Variants in ADGRV1 observed in about 807,000 individuals in gnomAD.
The protein encoded by ADGRV1 is G-protein coupled receptor 98.
Under a neutral mutation model 596.2 loss-of-function variants are expected in ADGRV1, and 359 were observed. That is an observed-to-expected ratio of 0.60 (90% CI 0.55 to 0.66). The LOEUF is 0.66. Ranked by LOEUF, ADGRV1 falls within the 30% of genes least tolerant of loss-of-function variation. The pLI is 0.00. For synonymous variants in ADGRV1, 2,681 were observed against 2,679.2 expected, an observed-to-expected ratio of 1.00 and a Z score of -0.02; for missense variants, 7,274 against 7,575.6, an observed-to-expected ratio of 0.96 and a Z score of 1.48.
Position 90,756,681 on chromosome 5 carries a change from G to A in ADGRV1, c.11757+51G>A, listed in dbSNP as rs1360528930. On this transcript the variant is annotated intron_variant, in intron 56 of 89. Transcript: ENST00000405460. ...AGTCATACAGAGGCCTCTCCCTGCT[G>A]ATTTGGCCAGTGTTTTATGTTTAGC... 6.9e-6 allele frequency: 10 copies of A among 1,446,292 alleles called. No individual in the cohort carries two copies. In the Admixed American group the frequency reaches 1.3e-4, roughly 19 times the overall value. 89.6% of individuals were successfully genotyped at this position (1,446,292 alleles called of 1,614,324 possible). A position where few individuals can be genotyped will look rare whatever the true frequency, so the allele number is the denominator to read the frequency against.
chr5:90,971,344 A>G (rs1235810704), intron 84 of ADGRV1, among the ~76,000 whole-genome samples: 1 of 152,230 alleles, frequency 6.6e-6, no homozygotes, highest in Non-Finnish European at 1.5e-5. Flanking sequence ...CAGGAAATAC[A>G]GAGAATGCCA....
rs2149447824 is a variant in ADGRV1, at chr5:90,647,891, T to G, written c.3289+127T>G. The G allele has an allele frequency of 6.6e-6, 5 of 755,542 alleles. No individual in the cohort carries two copies. In the East Asian group the frequency reaches 1.3e-4, roughly 20 times the overall value. The allele number at this position is 755,542 out of a possible 1,614,324, so 46.8% of individuals were successfully genotyped here. A position where few individuals can be genotyped will look rare whatever the true frequency, so the allele number is the denominator to read the frequency against. On this transcript the variant is annotated intron_variant, in intron 17 of 89. Transcript: ENST00000405460. The stretch of plus-strand genomic sequence containing the variant: ...CATTTGTACTATTCAAGAGTAAAAT[T>G]ATTTCATTGCTTTCTTGAGAAATGG...
At chr5:90,722,220 G>A (rs1446367694) in intron 45 of ADGRV1, among the ~76,000 whole-genome samples, 1 of 152,120 alleles carries the variant, frequency 6.6e-6, no homozygotes, top group Admixed American at 6.6e-5. Context: ...GTATGAAGGT[G>A]AGGGACAGGG....
chr5:91,100,039 C>A (rs1456820083), intron 86 of ADGRV1, among the ~76,000 whole-genome samples: 1 of 152,132 alleles, frequency 6.6e-6, no homozygotes, highest in East Asian at 1.9e-4. Context: ...AAAAAGCAAA[C>A]AACTGCTAGT....
At chr5:91,139,026 C>T (rs1055500711) in intron 87 of ADGRV1, among the ~76,000 whole-genome samples, 1 of 152,196 alleles carries the variant, frequency 6.6e-6, no homozygotes, top group African/African-American at 2.4e-5. Flanking sequence ...CCCCCTTGGC[C>T]TCCCAAAGTG....
intron 53 of ADGRV1, 129 bp from the exon 54 acceptor site, chr5:90,753,445 A>T: frequency 1.6e-6 from 1 of 627,016 alleles, no homozygotes; most frequent in Non-Finnish European, 2.7e-6. Flanking sequence ...GAATCATATT[A>T]TTATGTTGCT....
rs760252551 is a variant in ADGRV1, at chr5:90,753,815, T to G, written c.11363T>G (p.Val3788Gly). 5.6e-6 allele frequency: 9 copies of G among 1,606,116 alleles called. No individual in the cohort carries two copies. The highest frequency in any genetic ancestry group is 7.7e-6 in the Non-Finnish European group (9 of 1,175,522). The part of the protein sequence containing the change: ...GWRAASVFIR[V>G]AEPKENTTTL... ...CGTGCTGCGTCTGTCTTCATTAGAG[T>G]AGCAGAGCCTAAAGGTAAATATTGT... Residue 3788 changes from valine (V) to glycine (G), a missense_variant, in exon 54 of 90, where the codon GTA becomes GGA. By Grantham distance (109) the Val-to-Gly change is moderately radical. Coordinates refer to ENST00000405460, the MANE Select transcript of ADGRV1 (RefSeq NM_032119.4).
chr5:91,123,220 T>C (rs1793477752), intron 87 of ADGRV1, among the ~76,000 whole-genome samples: 1 of 152,220 alleles, frequency 6.6e-6, no homozygotes, highest in Non-Finnish European at 1.5e-5. Flanking sequence ...AGAGTGGCTA[T>C]ACGTAATAAA....
rs552066537 is a variant in ADGRV1, at chr5:91,098,626, T to G, written c.18311-3593T>G. Among the ~76,000 whole-genome samples, 17 of 152,316 alleles carry G rather than the reference T, an allele frequency of 1.1e-4. No individual in the cohort carries two copies. In the East Asian group the frequency reaches 2.3e-3, roughly 21 times the overall value. ...GTATGCTGAGTTATTTATGACTAGCTTTTTCCTTACGGAGTTTCTAGTCTG... is the reference window on the plus strand; with the variant it reads ...GTATGCTGAGTTATTTATGACTAGCGTTTTCCTTACGGAGTTTCTAGTCTG... On this transcript the variant is annotated intron_variant, in intron 86 of 89. Coordinates refer to ENST00000405460, the MANE Select transcript of ADGRV1 (RefSeq NM_032119.4).
intron 1 of ADGRV1, among the ~76,000 whole-genome samples, chr5:90,575,630 A>G (rs1012149347): frequency 2.6e-5 from 4 of 152,054 alleles, no homozygotes; most frequent in African/African-American, 9.7e-5. Context: ...TCCTAGACCA[A>G]TCCTGTCTCC....
At chr5:90,765,302 G>C (rs1287471964) in intron 59 of ADGRV1, among the ~76,000 whole-genome samples, 1 of 152,086 alleles carries the variant, frequency 6.6e-6, no homozygotes, top group Non-Finnish European at 1.5e-5. Flanking sequence ...ACCCTGTGTG[G>C]CCACACCTCG....
intron 61 of ADGRV1, among the ~76,000 whole-genome samples, chr5:90,777,594 T>A (rs1339470268): frequency 6.6e-6 from 1 of 152,206 alleles, no homozygotes; most frequent in African/African-American, 2.4e-5. Context: ...TCATATTTTG[T>A]ACCTTGCGTG....
At position 90,781,734 on chromosome 5, in the gene ADGRV1, C is replaced by T. The variant is rs79414853; in HGVS notation, c.13231+156C>T. ...TATATTTATTTACTTATTTGAAATA[C>T]ATTTTCAGTTATCTTTGGGTAGTCT... On this transcript the variant is annotated intron_variant, in intron 65 of 89. Transcript: ENST00000405460. 0.018 allele frequency among the ~76,000 whole-genome samples: 2,739 copies of T among 152,134 alleles called. 83 individuals are homozygous for T. The highest frequency in any genetic ancestry group is 0.063 in the African/African-American group (2,620 of 41,518).
intron 29 of ADGRV1, 135 bp downstream of exon 29, chr5:90,686,130 T>C (rs1745597929): frequency 2.5e-6 from 1 of 402,992 alleles, no homozygotes; most frequent in Non-Finnish European, 4.1e-6. Flanking sequence ...TCTTGTATCT[T>C]TTTCAAGGGA....
In ADGRV1 at chr5:90,920,376, C is replaced by T. The variant is rs114717251; in HGVS notation, c.17857-45039C>T. On this transcript the variant is annotated intron_variant, in intron 83 of 89. Transcript: ENST00000405460. ...GGGTTAGAGTTTCAACATATGAATTCGGGGAGACGCAAATATTAGAACATA... is the reference window on the plus strand; with the variant it reads ...GGGTTAGAGTTTCAACATATGAATTTGGGGAGACGCAAATATTAGAACATA... 8.1e-3 allele frequency among the ~76,000 whole-genome samples: 1,230 copies of T among 152,198 alleles called. 24 individuals carry two copies. Among genetic ancestry groups the T allele is most frequent in the African/African-American group, 0.027 (1,126 of 41,510 alleles).
At chr5:91,091,257 A>T (rs114171928) in intron 86 of ADGRV1, among the ~76,000 whole-genome samples, 1,809 of 152,134 alleles carry the variant, frequency 0.012, 35 homozygotes, top group African/African-American at 0.041. Flanking sequence ...ACAAACTCAA[A>T]TTTTTTATCA....
At chr5:90,710,535 G>A (rs1749198123) in intron 39 of ADGRV1, among the ~76,000 whole-genome samples, 1 of 151,832 alleles carries the variant, frequency 6.6e-6, no homozygotes, top group African/African-American at 2.4e-5. Flanking sequence ...GTCTCTCTGT[G>A]TCTCTTTTGC....
At chr5:90,673,159 G>C (rs928085217) in intron 22 of ADGRV1, among the ~76,000 whole-genome samples, 2 of 151,774 alleles carry the variant, frequency 1.3e-5, no homozygotes, top group Non-Finnish European at 2.9e-5. Context: ...ACTTTTTTTG[G>C]ATTAATTGCT....
chr5:90,798,909 T>A (rs1761044748), intron 70 of ADGRV1, among the ~76,000 whole-genome samples: 1 of 152,156 alleles, frequency 6.6e-6, no homozygotes, highest in Admixed American at 6.5e-5. Flanking sequence ...ATAAACTAGG[T>A]ATTGATGGAA....
Sources: allele counts gnomAD v4.1 joint callset (sites outside exome capture counted in the v4.1 genomes callset), GRCh38; gene constraint gnomAD v4.1.1; transcripts MANE v1.5; gene names NCBI Gene and HGNC (gene_info 2026-07-23, HGNC 2026-07-21).